DOCK1: variants seen among roughly 807,000 people sequenced by gnomAD.
The protein encoded by DOCK1 is dedicator of cytokinesis 1, also known as dedicator of cytokinesis protein 1.
In DOCK1, 138 loss-of-function variants were observed where a neutral mutation model predicts 262.7. That is an observed-to-expected ratio of 0.53 (90% confidence interval 0.46 to 0.61). The LOEUF is 0.61. DOCK1 is among the 20% of genes least tolerant of loss of function. The pLI, the probability that DOCK1 is intolerant of heterozygous loss-of-function variation, is 0.00. For synonymous variants in DOCK1, 866 were observed against 867.4 expected (o/e 1.00, Z 0.03); for missense variants, 1,908 against 2,370.7 (o/e 0.80, Z 4.05).
intron 27 of DOCK1, among the ~76,000 whole-genome samples, chr10:127,149,387 C>T (rs553192893): frequency 1.2e-4 from 19 of 152,256 alleles, no homozygotes; most frequent in South Asian, 2.1e-4. Flanking sequence ...GCATCAAGAC[C>T]GTTTGTCCTT....
chr10:127,151,126 ACT>A (rs750335788), intron 27 of DOCK1, among the ~76,000 whole-genome samples: 10 of 152,046 alleles, frequency 6.6e-5, no homozygotes, highest in Non-Finnish European at 1.2e-4. Context: ...ACCTCAGAAA[ACT>A]CTTATCCAAC....
At chr10:127,391,302 G>A (rs2134195499) in intron 38 of DOCK1, among the ~76,000 whole-genome samples, 1 of 152,250 alleles carries the variant, frequency 6.6e-6, no homozygotes, top group Non-Finnish European at 1.5e-5. Flanking sequence ...GAACCTGGAG[G>A]GAAGGGTGAC....
At chr10:127,404,255 G>A (rs907271976) in intron 39 of DOCK1, 70 bp from the exon 40 acceptor site, 12 of 1,360,808 alleles carry the variant, frequency 8.8e-6, no homozygotes, top group Middle Eastern at 3.6e-4. Context: ...TAAAGAGCCC[G>A]CAAGAAGAAT....
chr10:127,067,057 A>T (rs546949845), intron 23 of DOCK1, among the ~76,000 whole-genome samples: 2 of 152,368 alleles, frequency 1.3e-5, no homozygotes, highest in East Asian at 1.9e-4. Flanking sequence ...AGATGCCGAC[A>T]TTATCCCTGG....
At chr10:127,206,677 G>A (rs370631205) in intron 27 of DOCK1, among the ~76,000 whole-genome samples, 13 of 152,026 alleles carry the variant, frequency 8.6e-5, no homozygotes, top group African/African-American at 2.4e-4. Flanking sequence ...AAAGAACCTC[G>A]TGTACTTCCC....
intron 23 of DOCK1, among the ~76,000 whole-genome samples, chr10:127,076,727 C>A (rs779918127): frequency 6.6e-6 from 1 of 152,138 alleles, no homozygotes; most frequent in Non-Finnish European, 1.5e-5. Flanking sequence ...TCCATTGAAA[C>A]CCAAGACTCC....
intron 27 of DOCK1, chr10:127,138,112 T>C: frequency 8.9e-7 from 1 of 1,121,896 alleles, no homozygotes; most frequent in Non-Finnish European, 1.3e-6. Flanking sequence ...ATGATCAGTG[T>C]GTGTTTGTAA....
rs144790171 is a variant in DOCK1, at chr10:127,034,596, C to T, written c.1912+2276C>T. On this transcript the variant is annotated intron_variant, in intron 18 of 51. Coordinates refer to ENST00000623213, the MANE Select transcript of DOCK1 (RefSeq NM_001290223.2). Reference sequence around the variant, plus strand: ...TGGATGTGGCCTTGATAGCTCCACTCGCCTGACAGATGACAGCATCCAGAG... The same window carrying T: ...TGGATGTGGCCTTGATAGCTCCACTTGCCTGACAGATGACAGCATCCAGAG... Among the ~76,000 whole-genome samples, 490 of 152,238 alleles carry T rather than the reference C, an allele frequency of 3.2e-3. 7 individuals are homozygous for T. Among genetic ancestry groups the T allele is most frequent in the South Asian group, 0.021 (100 of 4,816 alleles).
At chr10:126,987,891 A>G (rs2039523001) in intron 5 of DOCK1, among the ~76,000 whole-genome samples, 1 of 152,036 alleles carries the variant, frequency 6.6e-6, no homozygotes, top group Non-Finnish European at 1.5e-5. Flanking sequence ...CATTGGAAGG[A>G]GAAATGTGGT....
Position 127,106,265 on chromosome 10 carries a change from A to G in DOCK1, c.2480A>G (p.Asn827Ser), listed in dbSNP as rs1310640476. ...AALKYLPTIV[N>S]DVKLVFDPKE... Reference sequence around the variant, plus strand: ...CTGAAATACTTACCAACGATCGTCAACGATGTGAAATTGGTGTTTGATCCC... The same window carrying G: ...CTGAAATACTTACCAACGATCGTCAGCGATGTGAAATTGGTGTTTGATCCC... The change falls in exon 24 of 52, where the codon AAC becomes AGC. Residue 827 changes from asparagine to serine, a missense_variant. This residue lies in a region of DOCK1 where 518 missense variants were observed against 575.1 expected (regional missense o/e 0.90). Coordinates refer to ENST00000623213, the MANE Select transcript of DOCK1 (RefSeq NM_001290223.2). The G allele has an allele frequency of 6.3e-7, 1 of 1,597,704 alleles. No individual in the cohort carries two copies. The highest frequency in any genetic ancestry group is 8.5e-7 in the Non-Finnish European group (1 of 1,171,130).
chr10:127,280,225 G>A (rs751512479), intron 29 of DOCK1, among the ~76,000 whole-genome samples: 5 of 151,270 alleles, frequency 3.3e-5, no homozygotes, highest in African/African-American at 7.3e-5. Flanking sequence ...TAGTAGAGAC[G>A]GGGTTTCACC....
intron 33 of DOCK1, among the ~76,000 whole-genome samples, chr10:127,369,144 A>T (rs1279145354): frequency 6.6e-6 from 1 of 152,210 alleles, no homozygotes; most frequent in South Asian, 2.1e-4. Context: ...ACCGGAAGCC[A>T]GTAATTGAAT....
chr10:127,110,120 T>G, intron 24 of DOCK1, 128 bp from the exon 25 acceptor site: 4 of 734,882 alleles, frequency 5.4e-6, no homozygotes, highest in Non-Finnish European at 9.5e-6. Flanking sequence ...CCATAGTGCA[T>G]GAGAGGCTGT....
At chr10:127,404,535 C>T in intron 40 of DOCK1, 106 bp downstream of exon 40, 1 of 1,004,854 alleles carries the variant, frequency 1.0e-6, no homozygotes, top group Non-Finnish European at 1.5e-6. Flanking sequence ...TGGGATCGTG[C>T]AACTCTCTAC....
At position 127,403,089 on chromosome 10, in the gene DOCK1, T is replaced by G; in HGVS notation, c.3962T>G (p.Leu1321Arg). The G allele has an allele frequency of 6.2e-7, 1 of 1,613,094 alleles. No homozygotes were observed. The highest frequency in any genetic ancestry group is 8.5e-7 in the Non-Finnish European group (1 of 1,179,584). The change falls in exon 39 of 52, where the codon CTA (leucine) becomes CGA (arginine). Residue 1321 changes from leucine to arginine, a missense_variant. Around this residue, in one of 9 missense-constraint regions of DOCK1, gnomAD observed 267 missense variants for 366.3 expected, o/e 0.73. Coordinates refer to ENST00000623213, the MANE Select transcript of DOCK1 (RefSeq NM_001290223.2). The stretch of plus-strand genomic sequence containing the variant: ...GAGGCCATTGCCTTGGGCAAGGAGC[T>G]AGCCGAGCAGTATGAGAACGAAATG... ...WEEAIALGKE[L>R]AEQYENEMFD...
chr10:127,130,065 C>CTTTTTTTTTTTTTTTTTTTTTTTT (rs74721427), intron 27 of DOCK1, among the ~76,000 whole-genome samples: 1 of 117,546 alleles, frequency 8.5e-6, no homozygotes, highest in Admixed American at 8.6e-5. Flanking sequence ...TTAGGGTCTT[C>CTTTTTTTTTTTTTTTTTTTTTTTT]TTTTTTTTTT....
At chr10:127,428,610 G>A (rs1224182825) in intron 47 of DOCK1, among the ~76,000 whole-genome samples, 1 of 150,852 alleles carries the variant, frequency 6.6e-6, no homozygotes, top group Middle Eastern at 3.5e-3. Flanking sequence ...CATGTGGATT[G>A]TGCCATGTGG....
chr10:127,350,318 CT>C (rs1181105616), intron 31 of DOCK1, among the ~76,000 whole-genome samples: 1 of 152,172 alleles, frequency 6.6e-6, no homozygotes, highest in Non-Finnish European at 1.5e-5. Flanking sequence ...CCCTCACCCC[CT>C]GGTCTCTCAA....
At position 126,938,744 on chromosome 10, in the gene DOCK1, G is replaced by A. The variant is rs1057511281; in HGVS notation, c.47-31958G>A. Among the ~76,000 whole-genome samples, 158 of 141,618 alleles carry A rather than the reference G, an allele frequency of 1.1e-3. 4 individuals are homozygous for A. In the East Asian group the frequency reaches 0.025, roughly 23 times the overall value. The allele number at this position is 141,618 out of a possible 152,430, so 92.9% of individuals were successfully genotyped here. On this transcript the variant is annotated intron_variant, in intron 1 of 51. Coordinates refer to ENST00000623213, the MANE Select transcript of DOCK1 (RefSeq NM_001290223.2). ...CACCTTGCTGCTACATTCTCCAGAGGGGATGAACACCGGAGGGGATGAAGA... is the reference window on the plus strand; with the variant it reads ...CACCTTGCTGCTACATTCTCCAGAGAGGATGAACACCGGAGGGGATGAAGA...
Sources: allele counts gnomAD v4.1 joint callset (sites outside exome capture counted in the v4.1 genomes callset), GRCh38; gene constraint gnomAD v4.1.1; regional missense constraint gnomAD v4.1.1; transcripts MANE v1.5; gene names NCBI Gene and HGNC (gene_info 2026-07-23, HGNC 2026-07-21).